AMPH: variants seen among roughly 807,000 people sequenced by gnomAD.
AMPH encodes the protein amphiphysin (Stiff-Mann syndrome with breast cancer 128kD autoantigen).
In AMPH, 49 loss-of-function variants were observed where a neutral mutation model predicts 99.1. That is an observed-to-expected ratio of 0.49 (90% confidence interval 0.39 to 0.63). AMPH has a LOEUF of 0.63. Ranked by LOEUF, AMPH falls within the 20% of genes least tolerant of loss-of-function variation. The pLI, the probability that AMPH is intolerant of heterozygous loss-of-function variation, is 0.00. For synonymous variants in AMPH, 314 were observed against 317.3 expected, an observed-to-expected ratio of 0.99 and a Z score of 0.11; for missense variants, 759 against 863.4, an observed-to-expected ratio of 0.88 and a Z score of 1.52.
chr7:38,501,399 C>T (rs1399018109), intron 3 of AMPH, among the ~76,000 whole-genome samples: 1 of 152,096 alleles, frequency 6.6e-6, no homozygotes, highest in Non-Finnish European at 1.5e-5. Flanking sequence ...TGCCCAGGCT[C>T]ATCTTGAACT....
intron 1 of AMPH, among the ~76,000 whole-genome samples, chr7:38,574,722 G>C (rs1390404227): frequency 6.6e-6 from 1 of 151,882 alleles, no homozygotes; most frequent in Non-Finnish European, 1.5e-5. Context: ...TTTTTTCTAG[G>C]CCTTCCAAAT....
intron 16 of AMPH, among the ~76,000 whole-genome samples, chr7:38,419,855 T>A (rs1785521104): frequency 1.3e-5 from 2 of 152,110 alleles, no homozygotes; most frequent in Admixed American, 1.3e-4. Context: ...AAATATAACA[T>A]CATATATTTT....
intron 1 of AMPH, among the ~76,000 whole-genome samples, chr7:38,613,673 T>G (rs1456502957): frequency 6.6e-6 from 1 of 152,120 alleles, no homozygotes; most frequent in Non-Finnish European, 1.5e-5. Flanking sequence ...TTTTTACAAG[T>G]GAAAGTATAT....
intron 9 of AMPH, among the ~76,000 whole-genome samples, chr7:38,465,140 T>G (rs1284575281): frequency 6.6e-6 from 1 of 152,180 alleles, no homozygotes; most frequent in Non-Finnish European, 1.5e-5. Flanking sequence ...GGAGAAAATA[T>G]TAAGTGCATA....
In AMPH at chr7:38,406,721, TCTCCCTTTCC is replaced by T. The variant is rs1287077049; in HGVS notation, c.1398+11094_1398+11103del. Among the ~76,000 whole-genome samples, 13 of 115,940 alleles carry T rather than the reference TCTCCCTTTCC, an allele frequency of 1.1e-4. 1 individual carries two copies. Among genetic ancestry groups the T allele is most frequent in the African/African-American group, 3.9e-4 (12 of 30,956 alleles). 76.1% of individuals were successfully genotyped at this position (115,940 alleles called of 152,430 possible). ...TGAGTTCTCTCTCCTCTCCTCTCTC[TCTCCCTTTCC>T]CTCTCTCTCTCTCTCTCTCTCTCTC... On this transcript the variant is annotated intron_variant, in intron 17 of 20. Transcript: ENST00000356264.
chr7:38,457,623 G>T (rs938164259), intron 11 of AMPH, among the ~76,000 whole-genome samples: 8 of 152,204 alleles, frequency 5.3e-5, no homozygotes, highest in African/African-American at 1.9e-4. Context: ...AAATGGGCTA[G>T]AAAATCTATT....
At chr7:38,427,768 G>A (rs1584075629) in intron 14 of AMPH, 4 of 386,466 alleles carry the variant, frequency 1.0e-5, no homozygotes, top group East Asian at 7.2e-5. Context: ...TGAAGTAGGT[G>A]ACAGACATGA....
chr7:38,582,178 A>C (rs766317111), intron 1 of AMPH, among the ~76,000 whole-genome samples: 1 of 152,206 alleles, frequency 6.6e-6, no homozygotes, highest in Non-Finnish European at 1.5e-5. Flanking sequence ...AACCAGCTAA[A>C]AAGGAATTGA....
chr7:38,468,563 T>A (rs1787755581), intron 7 of AMPH, among the ~76,000 whole-genome samples: 1 of 152,236 alleles, frequency 6.6e-6, no homozygotes, highest in Non-Finnish European at 1.5e-5. Flanking sequence ...ATATTTTGTT[T>A]TTTAATTTAG....
intron 1 of AMPH, among the ~76,000 whole-genome samples, chr7:38,608,912 C>T (rs1013134845): frequency 6.6e-6 from 1 of 152,184 alleles, no homozygotes; most frequent in African/African-American, 2.4e-5. Context: ...AGCAACACAA[C>T]GGGCAGTTTA....
At chr7:38,437,645 A>G (rs1786327531) in intron 11 of AMPH, among the ~76,000 whole-genome samples, 1 of 136,530 alleles carries the variant, frequency 7.3e-6, no homozygotes, top group Non-Finnish European at 1.6e-5. Flanking sequence ...AAAAAAAAAG[A>G]AAAGAAAAAT....
chr7:38,422,534 C>T (rs2128989235), intron 15 of AMPH, 57 bp from the exon 16 acceptor site: 1 of 1,343,662 alleles, frequency 7.4e-7, no homozygotes, highest in East Asian at 2.3e-5. Flanking sequence ...AATCAGCTAC[C>T]ATCAATTGTG....
At chr7:38,411,289 C>T (rs527897478) in intron 17 of AMPH, among the ~76,000 whole-genome samples, 56 of 152,300 alleles carry the variant, frequency 3.7e-4, no homozygotes, top group African/African-American at 1.3e-3. Flanking sequence ...TTACTATCAC[C>T]TTACTCTCTT....
chr7:38,545,482 A>G (rs2129044282), intron 1 of AMPH, among the ~76,000 whole-genome samples: 1 of 152,258 alleles, frequency 6.6e-6, no homozygotes, highest in Non-Finnish European at 1.5e-5. Flanking sequence ...GTGTGACCAG[A>G]ATTCTCACAC....
intron 1 of AMPH, among the ~76,000 whole-genome samples, chr7:38,573,720 T>G (rs1792131365): frequency 6.6e-6 from 1 of 152,234 alleles, no homozygotes; most frequent in Admixed American, 6.5e-5. Context: ...TCTGATTAAT[T>G]TATATTTCCT....
At chr7:38,529,521 C>T (rs1475638039) in intron 2 of AMPH, among the ~76,000 whole-genome samples, 2 of 152,206 alleles carry the variant, frequency 1.3e-5, no homozygotes, top group African/African-American at 4.8e-5. Context: ...TTCCAGGTAA[C>T]TTCAAGGCAG....
At chr7:38,449,755 T>C (rs1187052634) in intron 11 of AMPH, among the ~76,000 whole-genome samples, 1 of 152,230 alleles carries the variant, frequency 6.6e-6, no homozygotes, top group Non-Finnish European at 1.5e-5. Context: ...AAAATAATGT[T>C]AACATGTTTA....
intron 3 of AMPH, among the ~76,000 whole-genome samples, chr7:38,495,511 C>T (rs1433032296): frequency 6.6e-6 from 1 of 152,056 alleles, no homozygotes; most frequent in South Asian, 2.1e-4. Context: ...GTAAACTTCA[C>T]CTGTATATCT....
chr7:38,426,219 G>A (rs1409597499), intron 15 of AMPH, among the ~76,000 whole-genome samples: 1 of 152,198 alleles, frequency 6.6e-6, no homozygotes, highest in Non-Finnish European at 1.5e-5. Flanking sequence ...TCACAGACAA[G>A]CCTGTCTGAG....
Sources: allele counts gnomAD v4.1 joint callset (sites outside exome capture counted in the v4.1 genomes callset), GRCh38; gene constraint gnomAD v4.1.1; transcripts MANE v1.5; gene names NCBI Gene and HGNC (gene_info 2026-07-23, HGNC 2026-07-21).